CLEC16A: variants seen among roughly 807,000 people sequenced by gnomAD.
CLEC16A encodes protein CLEC16A.
Under a neutral mutation model 109.5 loss-of-function variants are expected in CLEC16A, and 51 were observed. The observed-to-expected ratio is 0.47, with a 90% CI of 0.37 to 0.59. CLEC16A has a LOEUF of 0.59. CLEC16A is among the 20% of genes least tolerant of loss of function. The pLI is 0.00. For synonymous variants in CLEC16A, 673 were observed against 564.2 expected (o/e 1.19, Z -2.73); for missense variants, 1,339 against 1,394.0 (o/e 0.96, Z 0.63).
intron 19 of CLEC16A, among the ~76,000 whole-genome samples, chr16:11,071,423 C>T (rs187453946): frequency 7.2e-4 from 109 of 151,938 alleles, no homozygotes; most frequent in Middle Eastern, 3.4e-3. Flanking sequence ...AAGAGGGGGA[C>T]GAAGGTAGAG....
chr16:11,009,996 A>G (rs553620531), intron 11 of CLEC16A, among the ~76,000 whole-genome samples: 6 of 152,154 alleles, frequency 3.9e-5, no homozygotes, highest in Non-Finnish European at 8.8e-5. Flanking sequence ...TGTACAAAAA[A>G]TAAAAAACTA....
intron 13 of CLEC16A, among the ~76,000 whole-genome samples, chr16:11,034,258 G>A (rs1019879525): frequency 9.2e-5 from 14 of 152,160 alleles, no homozygotes; most frequent in African/African-American, 3.1e-4. Context: ...CGAAATCTTT[G>A]GTCTATAGTC....
intron 13 of CLEC16A, chr16:11,035,921 G>A (rs1376193915): frequency 1.3e-5 from 2 of 152,358 alleles, no homozygotes; most frequent in Admixed American, 1.3e-4. Flanking sequence ...AAAAAGAGCT[G>A]GGAGAGAGAA....
At chr16:11,145,875 C>G (rs957831217) in intron 22 of CLEC16A, among the ~76,000 whole-genome samples, 4 of 152,226 alleles carry the variant, frequency 2.6e-5, no homozygotes, top group Admixed American at 1.3e-4. Flanking sequence ...TCCCATCACT[C>G]AGATGAAAGC....
chr16:11,068,986 C>CTT lies in CLEC16A; in HGVS notation c.2116+7981_2116+7982dup, dbSNP rs34421150. Among the ~76,000 whole-genome samples the CTT allele has an allele frequency of 1.3e-4, 16 of 123,448 alleles. No individual in the cohort carries two copies. In the East Asian group the frequency reaches 1.8e-3, roughly 14 times the overall value. The allele number at this position is 123,448 out of a possible 152,430, so 81.0% of individuals were successfully genotyped here. On this transcript the variant is annotated intron_variant, in intron 19 of 23. Transcript: ENST00000409790. Reference sequence around the variant, plus strand: ...CATGCCATCACGCCTGGCTAATTTTCTTTTTTTTTTTTTTTTTTGTATTTT... The same window carrying CTT: ...CATGCCATCACGCCTGGCTAATTTTCTTTTTTTTTTTTTTTTTTTTGTATTTT...
chr16:11,139,593 A>C (rs1404054843), intron 22 of CLEC16A, among the ~76,000 whole-genome samples: 1 of 152,118 alleles, frequency 6.6e-6, no homozygotes, highest in East Asian at 1.9e-4. Flanking sequence ...ACACATTCCA[A>C]AACCCATCAG....
chr16:11,160,067 C>A (rs1474427899), intron 22 of CLEC16A, among the ~76,000 whole-genome samples: 3 of 152,098 alleles, frequency 2.0e-5, no homozygotes, highest in African/African-American at 7.2e-5. Context: ...TAAAAGGTTC[C>A]TGTGGAATCC....
At chr16:11,091,383 C>T (rs907949076) in intron 19 of CLEC16A, among the ~76,000 whole-genome samples, 3 of 152,204 alleles carry the variant, frequency 2.0e-5, no homozygotes, top group African/African-American at 7.2e-5. Context: ...GCCCCAGTGG[C>T]GCCTGAGAGG....
intron 22 of CLEC16A, among the ~76,000 whole-genome samples, chr16:11,152,219 A>G (rs2054318296): frequency 1.3e-5 from 2 of 152,220 alleles, no homozygotes; most frequent in Admixed American, 1.3e-4. Context: ...TGGAAGCCTT[A>G]GGCCGGTCAT....
At chr16:11,051,317 T>G (rs965312191) in intron 17 of CLEC16A, among the ~76,000 whole-genome samples, 196 bp from the exon 18 acceptor site, 2 of 152,194 alleles carry the variant, frequency 1.3e-5, no homozygotes, top group African/African-American at 2.4e-5. Context: ...AATCTGCAAT[T>G]TAGAAAACCA....
chr16:11,073,757 C>T (rs77576098), intron 19 of CLEC16A, among the ~76,000 whole-genome samples: 15 of 152,308 alleles, frequency 9.8e-5, no homozygotes, highest in East Asian at 7.7e-4. Flanking sequence ...GTGCGCTTAC[C>T]GCTCTGTATA....
chr16:10,948,780 A>C (rs1217554604), intron 1 of CLEC16A, among the ~76,000 whole-genome samples: 1 of 152,212 alleles, frequency 6.6e-6, no homozygotes. Context: ...GAGCCGTCAG[A>C]AATCGGCCTT....
At chr16:11,092,807 C>T (rs1002614901) in intron 19 of CLEC16A, among the ~76,000 whole-genome samples, 2 of 152,170 alleles carry the variant, frequency 1.3e-5, no homozygotes, top group African/African-American at 4.8e-5. Flanking sequence ...ACTCTGTGGG[C>T]CTCGGTTTCC....
chr16:11,018,087 C>T (rs541321770), intron 11 of CLEC16A, among the ~76,000 whole-genome samples: 1 of 150,760 alleles, frequency 6.6e-6, no homozygotes, highest in Non-Finnish European at 1.5e-5. Context: ...GTGGGAGGAT[C>T]ATTTGAGCTC....
intron 11 of CLEC16A, 106 bp from the exon 12 acceptor site, chr16:11,020,087 G>A: frequency 7.6e-7 from 1 of 1,316,070 alleles, no homozygotes; most frequent in Non-Finnish European, 1.0e-6. Context: ...TGTGCTTGAT[G>A]TGTTTGGAGT....
At chr16:11,156,668 G>C (rs1410628968) in intron 22 of CLEC16A, 10 of 1,304,236 alleles carry the variant, frequency 7.7e-6, no homozygotes, top group Non-Finnish European at 1.0e-5. Flanking sequence ...GTCTTTGCTT[G>C]CTAATTTACA....
chr16:11,097,336 A>T (rs1427661109), intron 19 of CLEC16A, among the ~76,000 whole-genome samples: 10 of 152,212 alleles, frequency 6.6e-5, no homozygotes, highest in Non-Finnish European at 1.2e-4. Flanking sequence ...CTTATCTGAA[A>T]GATTTAATCA....
At chr16:11,143,611 G>A (rs550223008) in intron 22 of CLEC16A, among the ~76,000 whole-genome samples, 15 of 152,220 alleles carry the variant, frequency 9.9e-5, no homozygotes, top group East Asian at 1.9e-4. Context: ...CCAGCAGATC[G>A]TGGGAGTGTT....
intron 22 of CLEC16A, among the ~76,000 whole-genome samples, chr16:11,153,947 G>T (rs1042185070): frequency 2.0e-5 from 3 of 151,990 alleles, no homozygotes; most frequent in African/African-American, 7.3e-5. Context: ...CCTTTTTGTG[G>T]GTCATCTGTC....
Sources: gnomAD v4.1 joint callset for allele counts (sites outside exome capture counted in the v4.1 genomes callset) on GRCh38, gnomAD v4.1.1 for gene constraint, MANE v1.5 for transcripts, NCBI Gene and HGNC (gene_info 2026-07-23, HGNC 2026-07-21) for gene names.